Variants in DNAJC6 observed in about 807,000 individuals in gnomAD.
DNAJC6 encodes the protein DnaJ heat shock protein family (Hsp40) member C6, also known as auxilin.
DNAJC6 carries 34 observed loss-of-function variants against 110.0 expected under a neutral mutation model. The ratio of observed to expected loss-of-function variants is 0.31; its 90% CI spans 0.24 to 0.41. The LOEUF (loss-of-function observed/expected upper bound fraction) is 0.41, where lower values mean the gene tolerates loss of function less well. DNAJC6 is among the 10% of genes least tolerant of loss of function. The pLI, the probability that DNAJC6 is intolerant of heterozygous loss-of-function variation, is 1.00. For missense variants in DNAJC6, 1,031 were observed against 1,207.8 expected, an observed-to-expected ratio of 0.85 and a Z score of 2.17; for synonymous variants, 406 against 437.2, an observed-to-expected ratio of 0.93 and a Z score of 0.89.
chr1:65,345,630 G>A lies in DNAJC6; in HGVS notation c.194-19005G>A, dbSNP rs139478083. On this transcript the variant is annotated intron_variant, in intron 1 of 18. Coordinates refer to ENST00000371069, the MANE Select transcript of DNAJC6 (RefSeq NM_001256864.2). ...CTCCAGGAGTGGTTATTATTGAGTC[G>A]AGAATTTTTGGGAAAAGTAACACGT... 3.4e-4 allele frequency: 334 copies of A among 984,342 alleles called. No homozygotes were observed. The African/African-American group carries it at 4.9e-3, about 14-fold the overall frequency. The allele number at this position is 984,342 out of a possible 1,614,324, so 61.0% of individuals were successfully genotyped here.
chr1:65,355,441 T>C (rs931525056), intron 1 of DNAJC6, among the ~76,000 whole-genome samples: 26 of 152,290 alleles, frequency 1.7e-4, no homozygotes, highest in Non-Finnish European at 4.4e-5. Context: ...ACCTGCTCTG[T>C]GGCCTCTGCC....
chr1:65,414,739 T>G lies in DNAJC6; in HGVS notation c.*1714T>G, dbSNP rs1315784900. 6.5e-6 allele frequency: 1 copy of G among 152,672 alleles called. No individual in the cohort carries two copies. The highest frequency in any genetic ancestry group is 1.5e-5 in the Non-Finnish European group (1 of 68,042). 9.5% of individuals were successfully genotyped at this position (152,672 alleles called of 1,614,324 possible). A position where few individuals can be genotyped will look rare whatever the true frequency, so the allele number is the denominator to read the frequency against. On this transcript the variant is annotated 3_prime_UTR_variant, in exon 19 of 19. Coordinates refer to ENST00000371069, the MANE Select transcript of DNAJC6 (RefSeq NM_001256864.2). ...AAACTAGGTGTTATTTATTAACGTA[T>G]TATAAAATAATGTTTGATCCAGTAT... is the stretch of plus-strand genomic sequence containing the variant.
Position 65,413,585 on chromosome 1 carries a change from G to A in DNAJC6, c.*560G>A, listed in dbSNP as rs1014903703. 5.3e-5 allele frequency: 8 copies of A among 152,088 alleles called. No individual in the cohort carries two copies. The highest frequency in any genetic ancestry group is 1.9e-4 in the African/African-American group (8 of 41,388). 9.4% of individuals were successfully genotyped at this position (152,088 alleles called of 1,614,324 possible). ...GGTCAAGAGAACTAACAAATATAAAGGAACTTGAAATGTGGGGAGTGATAA... is the reference window on the plus strand; with the variant it reads ...GGTCAAGAGAACTAACAAATATAAAAGAACTTGAAATGTGGGGAGTGATAA... On this transcript the variant is annotated 3_prime_UTR_variant, in exon 19 of 19. Coordinates refer to ENST00000371069, the MANE Select transcript of DNAJC6 (RefSeq NM_001256864.2).
Position 65,309,815 on chromosome 1 carries a change from A to AAGT in DNAJC6, c.70_71insAGT (p.Ser24delinsLysCys). Reference sequence around the variant, plus strand: ...TTATGAATCTTTGCAGCTGGTGGACAGTAACGGGGACTTAAGTGCGGGAAG... The same window carrying AAGT: ...TTATGAATCTTTGCAGCTGGTGGACAAGTGTAACGGGGACTTAAGTGCGGGAAG... On this transcript the variant is annotated protein_altering_variant, in exon 1 of 19. Transcript: ENST00000371069. 6.5e-7 allele frequency: 1 copy of AAGT among 1,549,616 alleles called. No individual in the cohort carries two copies. The highest frequency in any genetic ancestry group is 1.4e-5 in the African/African-American group (1 of 72,928).
At chr1:65,384,166 A>T in intron 5 of DNAJC6, 27 bp from the exon 6 acceptor site, 1 of 1,429,664 alleles carries the variant, frequency 7.0e-7, no homozygotes, top group Non-Finnish European at 9.2e-7. Flanking sequence ...TCATGTTCAT[A>T]ATGATTTTAT....
chr1:65,327,334 A>T (rs996556970), intron 1 of DNAJC6, among the ~76,000 whole-genome samples: 9 of 152,182 alleles, frequency 5.9e-5, no homozygotes. Context: ...ACAAACTTAA[A>T]ATAGTTACAC....
intron 1 of DNAJC6, among the ~76,000 whole-genome samples, chr1:65,320,094 C>A (rs1645184521): frequency 6.6e-6 from 1 of 152,214 alleles, no homozygotes; most frequent in Non-Finnish European, 1.5e-5. Flanking sequence ...CCAATTTAGG[C>A]AATTGCATCT....
At position 65,355,882 on chromosome 1, in the gene DNAJC6, C is replaced by CTTTT. The variant is rs372078909; in HGVS notation, c.194-8733_194-8730dup. ...TTAACCCTGAAATGGAACAGCATGG[C>CTTTT]TTTTTTTTTTTTTTTTTTTTTTTCT... On this transcript the variant is annotated intron_variant, in intron 1 of 18. Coordinates refer to ENST00000371069, the MANE Select transcript of DNAJC6 (RefSeq NM_001256864.2). 4.8e-4 allele frequency among the ~76,000 whole-genome samples: 40 copies of CTTTT among 82,852 alleles called. 1 individual carries two copies. Among genetic ancestry groups the CTTTT allele is most frequent in the African/African-American group, 1.0e-3 (21 of 20,862 alleles). 54.4% of individuals were successfully genotyped at this position (82,852 alleles called of 152,430 possible). A position where few individuals can be genotyped will look rare whatever the true frequency, so the allele number is the denominator to read the frequency against.
intron 1 of DNAJC6, among the ~76,000 whole-genome samples, chr1:65,322,513 C>T (rs549195796): frequency 1.2e-4 from 19 of 152,050 alleles, no homozygotes; most frequent in Admixed American, 2.6e-4. Context: ...TTTTCTCTAA[C>T]GATTGTTTTA....
At chr1:65,402,757 A>G (rs376950562) in intron 15 of DNAJC6, among the ~76,000 whole-genome samples, 1 of 152,208 alleles carries the variant, frequency 6.6e-6, no homozygotes, top group South Asian at 2.1e-4. Context: ...GTCTGTAACT[A>G]GTGTCAGCAT....
At chr1:65,314,231 A>G (rs57794863) in intron 1 of DNAJC6, among the ~76,000 whole-genome samples, 10,681 of 151,826 alleles carry the variant, frequency 0.07, 634 homozygotes, top group East Asian at 0.23. Flanking sequence ...AGGATAATGA[A>G]CAATGCTAAA....
intron 1 of DNAJC6, among the ~76,000 whole-genome samples, chr1:65,322,652 A>G (rs981609150): frequency 1.3e-5 from 2 of 152,222 alleles, no homozygotes; most frequent in Non-Finnish European, 2.9e-5. Flanking sequence ...GAAAGAACAT[A>G]TGCAGTTCAC....
At chr1:65,302,674 T>C (rs1644999912) in intron 1 of DNAJC6, among the ~76,000 whole-genome samples, 1 of 151,046 alleles carries the variant, frequency 6.6e-6, no homozygotes, top group Non-Finnish European at 1.5e-5. Flanking sequence ...TAGCTGGGAC[T>C]ACAGGCGCCC....
chr1:65,292,597 T>G (rs1644890022), intron 1 of DNAJC6, among the ~76,000 whole-genome samples: 1 of 151,622 alleles, frequency 6.6e-6, no homozygotes, highest in Non-Finnish European at 1.5e-5. Context: ...TGCCTGGCTA[T>G]TTTCTTTAAT....
rs555321103 is a variant in DNAJC6 at position 65,347,340 on chromosome 1, G to C, written c.194-17295G>C. Among the ~76,000 whole-genome samples the C allele has an allele frequency of 3.3e-5, 5 of 151,154 alleles. No homozygotes were observed. In the South Asian group the frequency reaches 1.0e-3, roughly 32 times the overall value. The stretch of plus-strand genomic sequence containing the variant: ...GTAGACCTCAGGGGTAGAGAAGTGA[G>C]TTAATCATACTGCTTTGCAGTCTTT... On this transcript the variant is annotated intron_variant, in intron 1 of 18. Coordinates refer to ENST00000371069, the MANE Select transcript of DNAJC6 (RefSeq NM_001256864.2).
At position 65,309,545 on chromosome 1, in the gene DNAJC6, G is replaced by A; in HGVS notation, c.-201G>A. The stretch of plus-strand genomic sequence containing the variant: ...TCCCTCCCTCCTCCCGGCGCCCCGA[G>A]CCGAGCTCAGCCCAGGGCGGCGGCT... On this transcript the variant is annotated 5_prime_UTR_variant, in exon 1 of 19. Coordinates refer to ENST00000371069, the MANE Select transcript of DNAJC6 (RefSeq NM_001256864.2). 8.4e-7 allele frequency: 1 copy of A among 1,191,804 alleles called. No individual in the cohort carries two copies. Among genetic ancestry groups the A allele is most frequent in the Non-Finnish European group, 1.0e-6 (1 of 965,004 alleles). 73.8% of individuals were successfully genotyped at this position (1,191,804 alleles called of 1,614,324 possible).
At chr1:65,401,993 G>C in intron 15 of DNAJC6, 113 bp downstream of exon 15, 1 of 1,420,610 alleles carries the variant, frequency 7.0e-7, no homozygotes, top group Non-Finnish European at 9.5e-7. Flanking sequence ...ACCTCAAATA[G>C]TGTGTATTCT....
chr1:65,378,223 G>A (rs1418325369), intron 4 of DNAJC6, among the ~76,000 whole-genome samples: 4 of 151,942 alleles, frequency 2.6e-5, no homozygotes, highest in Admixed American at 2.6e-4. Flanking sequence ...ATCCATTTCT[G>A]TTCTCCATAC....
chr1:65,324,932 T>A (rs1352602026), intron 1 of DNAJC6, among the ~76,000 whole-genome samples: 1 of 152,104 alleles, frequency 6.6e-6, no homozygotes, highest in African/African-American at 2.4e-5. Context: ...AACCCTGATA[T>A]AGGGAATATA....
Sources: allele counts gnomAD v4.1 joint callset (sites outside exome capture counted in the v4.1 genomes callset), GRCh38; gene constraint gnomAD v4.1.1; transcripts MANE v1.5; gene names NCBI Gene and HGNC (gene_info 2026-07-23, HGNC 2026-07-21).